The following GPR143 variants were observed in gnomAD, a reference collection of about 807,000 sequenced individuals.
GPR143 encodes G protein-coupled receptor 143, also known as G-protein coupled receptor 143.
A neutral mutation model predicts 27.6 loss-of-function variants in GPR143; 8 were observed. The ratio of observed to expected loss-of-function variants is 0.29; its 90% CI spans 0.17 to 0.52. The LOEUF (loss-of-function observed/expected upper bound fraction) is 0.52. Among genes scored for constraint, GPR143 ranks in the 20% least tolerant of loss-of-function variants. The probability of loss-of-function intolerance (pLI) is 0.96; values close to 1 mark genes in which losing one functional copy is unlikely to be tolerated. For missense variants in GPR143, 303 were observed against 343.1 expected (o/e 0.88, Z 0.92); for synonymous variants, 156 against 153.2 (o/e 1.02, Z -0.13).
chrX:9,730,247 C>T (rs1211866406), intron 8 of GPR143, among the ~76,000 whole-genome samples: 1 of 93,366 alleles, frequency 1.1e-5, no homozygotes, highest in Non-Finnish European at 2.0e-5. Flanking sequence ...AACTGCCTTT[C>T]TCAGATCCCC....
chrX:9,744,340 T>C (rs1440357151), intron 5 of GPR143, among the ~76,000 whole-genome samples: 2 of 111,091 alleles, frequency 1.8e-5, no homozygotes, highest in Non-Finnish European at 3.8e-5. Flanking sequence ...TCAAAATAAC[T>C]AAATAAATAA....
chrX:9,739,635 T>G lies in GPR143; in HGVS notation c.970A>C (p.Arg324=), dbSNP rs2083393883. The G allele has an allele frequency of 8.3e-7, 1 of 1,201,449 alleles. No homozygotes were observed. Among genetic ancestry groups the G allele is most frequent in the African/African-American group, 1.7e-5 (1 of 57,278 alleles). ...AGTGATTCCCACTGGATCTCCTTCC[T>G]GGGAGACTGAAAACCCAGGCTGCAT... ...TGCSLGFQSP[R]KEIQWESLTT... Residue 324 remains arginine, a synonymous_variant, in exon 8 of 9, where the codon AGG becomes CGG. Coordinates refer to ENST00000467482, the MANE Select transcript of GPR143 (RefSeq NM_000273.3).
In GPR143 at chrX:9,760,805, A is replaced by G. The variant is rs2083494973; in HGVS notation, c.272T>C (p.Val91Ala). The G allele has an allele frequency of 1.7e-6, 2 of 1,146,439 alleles. No individual in the cohort carries two copies. The highest frequency in any genetic ancestry group is 2.4e-6 in the Non-Finnish European group (2 of 840,738). The allele number at this position is 1,146,439 out of a possible 1,213,427, so 94.5% of individuals were successfully genotyped here. A position where few individuals can be genotyped will look rare whatever the true frequency, so the allele number is the denominator to read the frequency against. Residue 91 changes from valine (V) to alanine (A), a missense_variant, in exon 2 of 9, where the codon GTG becomes GCG. Transcript: ENST00000467482. Reference protein sequence around the residue: ...GCLGMVIRSTVWLGFPNFVDS... With the variant: ...GCLGMVIRSTAWLGFPNFVDS... ...AACAAAATTTGGGAATCCTAACCAC[A>G]CGGTGGACCGGATCACCATACCTAA...
At chrX:9,750,850 G>A (rs1159124787) in intron 3 of GPR143, among the ~76,000 whole-genome samples, 4 of 112,497 alleles carry the variant, frequency 3.6e-5, no homozygotes, top group Non-Finnish European at 7.5e-5. Flanking sequence ...GGCATGAGCC[G>A]CCGTGCCCGG....
intron 8 of GPR143, among the ~76,000 whole-genome samples, chrX:9,733,119 AAG>A (rs1295388799): frequency 2.8e-5 from 3 of 107,989 alleles, no homozygotes; most frequent in Non-Finnish European, 5.8e-5. Context: ...TTGTGGGAGA[AAG>A]AAATTGTGGG....
chrX:9,761,208 C>A (rs2083498230), intron 1 of GPR143, among the ~76,000 whole-genome samples: 1 of 111,299 alleles, frequency 9.0e-6, no homozygotes, highest in Admixed American at 9.6e-5. Flanking sequence ...ATTCTCCTGC[C>A]TCAGCCTCCC....
chrX:9,762,026 G>A (rs1447573653), intron 1 of GPR143, among the ~76,000 whole-genome samples: 1 of 111,894 alleles, frequency 8.9e-6, no homozygotes, highest in Admixed American at 9.5e-5. Flanking sequence ...GGCGGAGGTT[G>A]CAGTGAGTCG....
intron 3 of GPR143, among the ~76,000 whole-genome samples, chrX:9,752,543 T>C (rs968261990): frequency 1.8e-5 from 2 of 112,458 alleles, no homozygotes; most frequent in Non-Finnish European, 3.7e-5. Flanking sequence ...TCATCCTGGG[T>C]TATCTGGGTT....
At chrX:9,748,154 C>T in intron 4 of GPR143, 1 of 182,861 alleles carries the variant, frequency 5.5e-6, no homozygotes, top group Middle Eastern at 2.0e-3. Flanking sequence ...TCCTTATGGC[C>T]TCTTCCACAT....
At chrX:9,764,502 GCGCACACACACA>G (rs1468344855) in intron 1 of GPR143, among the ~76,000 whole-genome samples, 1 of 32,303 alleles carries the variant, frequency 3.1e-5, no homozygotes, top group Non-Finnish European at 6.1e-5. Context: ...ATTTACACAC[GCGCACACACACA>G]CACACACACA....
At chrX:9,775,975 G>A (rs754103142) in intron 1 of GPR143, among the ~76,000 whole-genome samples, 2 of 112,312 alleles carry the variant, frequency 1.8e-5, no homozygotes, top group Non-Finnish European at 3.8e-5. Flanking sequence ...GAAATCTCAT[G>A]TATCTAACAA....
In GPR143 at chrX:9,753,410, GAAAA is replaced by G. The variant is rs5901416; in HGVS notation, c.456-4748_456-4745del. Among the ~76,000 whole-genome samples, 590 of 72,921 alleles carry G rather than the reference GAAAA, an allele frequency of 8.1e-3. 3 individuals are homozygous for G. Among genetic ancestry groups the G allele is most frequent in the African/African-American group, 0.027 (562 of 20,465 alleles). 63.3% of individuals were successfully genotyped at this position (72,921 alleles called of 115,157 possible). Reference sequence around the variant, plus strand: ...AAAATAATTGAAAAAAACAGAATCTGAAAAAAAAAAAAAAAACCCAGTTATAAAA... The same window carrying G: ...AAAATAATTGAAAAAAACAGAATCTGAAAAAAAAAAAACCCAGTTATAAAA... On this transcript the variant is annotated intron_variant, in intron 3 of 8. Coordinates refer to ENST00000467482, the MANE Select transcript of GPR143 (RefSeq NM_000273.3).
intron 1 of GPR143, among the ~76,000 whole-genome samples, chrX:9,763,969 A>G (rs898641798): frequency 2.7e-5 from 3 of 112,712 alleles, no homozygotes; most frequent in Non-Finnish European, 5.6e-5. Context: ...TTTCAGTAAT[A>G]GTCACATGCC....
At chrX:9,737,728 G>T (rs1045560414) in intron 8 of GPR143, among the ~76,000 whole-genome samples, 2 of 112,117 alleles carry the variant, frequency 1.8e-5, no homozygotes, top group Admixed American at 1.9e-4. Flanking sequence ...AAAGCCAAGG[G>T]ACCAGGTGCA....
intron 8 of GPR143, among the ~76,000 whole-genome samples, chrX:9,735,046 G>C (rs1040749688): frequency 2.7e-5 from 3 of 112,621 alleles, no homozygotes; most frequent in South Asian, 3.7e-4. Context: ...TGTTCAGCAA[G>C]GAGGCACAAT....
At chrX:9,774,133 C>T (rs978637044) in intron 1 of GPR143, among the ~76,000 whole-genome samples, 8 of 62,910 alleles carry the variant, frequency 1.3e-4, no homozygotes, top group Non-Finnish European at 2.4e-4. Context: ...CTCCCATCCT[C>T]ATCTCTTAAA....
intron 3 of GPR143, among the ~76,000 whole-genome samples, chrX:9,751,400 G>A (rs2083450827): frequency 8.9e-6 from 1 of 112,562 alleles, no homozygotes; most frequent in African/African-American, 3.2e-5. Context: ...GTTACTCTGG[G>A]ATTTCCCTTC....
At chrX:9,739,134 C>T (rs189082812) in intron 8 of GPR143, among the ~76,000 whole-genome samples, 1 of 112,039 alleles carries the variant, frequency 8.9e-6, no homozygotes, top group East Asian at 2.8e-4. Flanking sequence ...TTTGGTACAC[C>T]CCATCACGGG....
chrX:9,749,232 C>A (rs1248359586), intron 3 of GPR143, among the ~76,000 whole-genome samples: 3 of 104,544 alleles, frequency 2.9e-5, no homozygotes, highest in Non-Finnish European at 3.9e-5. Flanking sequence ...TCCCTCCCCC[C>A]CCAACCCCCT....
Sources: allele counts gnomAD v4.1 joint callset (sites outside exome capture counted in the v4.1 genomes callset), GRCh38; gene constraint gnomAD v4.1.1; transcripts MANE v1.5; gene names NCBI Gene and HGNC (gene_info 2026-07-23, HGNC 2026-07-21).